The following FGF13 variants were observed in gnomAD, a reference collection of about 807,000 sequenced individuals.
FGF13 encodes fibroblast growth factor 13.
In FGF13, 2 loss-of-function variants were observed where a neutral mutation model predicts 19.5. The observed-to-expected ratio is 0.10, with a 90% confidence interval of 0.04 to 0.32. The LOEUF (loss-of-function observed/expected upper bound fraction) is 0.32. FGF13 is among the 10% of genes least tolerant of loss of function. FGF13 has a pLI of 1.00. For synonymous variants in FGF13, 72 were observed against 76.9 expected (o/e 0.94, Z 0.33); for missense variants, 113 against 192.7 (o/e 0.59, Z 2.45).
chrX:138,704,234 C>A (rs1292307402), intron 2 of FGF13, among the ~76,000 whole-genome samples: 1 of 111,612 alleles, frequency 9.0e-6, no homozygotes, highest in Non-Finnish European at 1.9e-5. Flanking sequence ...GATCTGACTG[C>A]GTGAAACTTA....
chrX:139,054,910 TTGTA>T (rs2092316409), intron 1 of FGF13, among the ~76,000 whole-genome samples: 1 of 107,147 alleles, frequency 9.3e-6, no homozygotes, highest in African/African-American at 3.6e-5. Flanking sequence ...TTGTATTGTA[TTGTA>T]TTGTATTGTA....
At chrX:138,983,414 T>TATATATATATATATATATATATATATATA (rs2091972165) in intron 1 of FGF13, among the ~76,000 whole-genome samples, 1 of 81,196 alleles carries the variant, frequency 1.2e-5, no homozygotes, top group East Asian at 4.3e-4. Context: ...TAAGTTGATC[T>TATATATATATATATATATATATATATATA]TATATATATA....
At chrX:138,868,480 A>G (rs972365125) in intron 1 of FGF13, among the ~76,000 whole-genome samples, 3 of 111,213 alleles carry the variant, frequency 2.7e-5, no homozygotes, top group African/African-American at 9.8e-5. Context: ...TCACAGAGTG[A>G]TGTCATAGTT....
intron 1 of FGF13, among the ~76,000 whole-genome samples, chrX:139,168,214 C>T (rs2084101346): frequency 9.0e-6 from 1 of 111,681 alleles, no homozygotes; most frequent in South Asian, 3.8e-4. Context: ...TACAACCATT[C>T]GATCAAGGTT....
In FGF13 at chrX:138,632,885, C is replaced by T. The variant is rs1370485134; in HGVS notation, c.703G>A (p.Gly235Arg). ...KSRSVSGVLN[G>R]GKSMSHNEST The stretch of plus-strand genomic sequence containing the variant: ...TCATTGTGGCTCATGGATTTGCCTC[C>T]GTTCAGCACGCCAGAGACACTTCTG... Residue 235 changes from glycine to arginine, a missense_variant, in exon 5 of 5, where the codon GGA becomes AGA. Coordinates refer to ENST00000315930, the MANE Select transcript of FGF13 (RefSeq NM_004114.5). 2 of 1,207,798 alleles carry T rather than the reference C, an allele frequency of 1.7e-6. No individual in the cohort carries two copies. Among genetic ancestry groups the T allele is most frequent in the Non-Finnish European group, 2.2e-6 (2 of 894,262 alleles).
chrX:138,809,593 C>T (rs2090903676), intron 3 of FGF13, among the ~76,000 whole-genome samples: 1 of 111,043 alleles, frequency 9.0e-6, no homozygotes, highest in Admixed American at 9.6e-5. Flanking sequence ...AAGTTCTGGC[C>T]AGGGCAATCA....
chrX:138,916,725 G>A (rs1177935243), intron 1 of FGF13, among the ~76,000 whole-genome samples: 1 of 112,214 alleles, frequency 8.9e-6, no homozygotes, highest in African/African-American at 3.2e-5. Flanking sequence ...TCATATTTCA[G>A]TGAGACCAAT....
At chrX:138,745,470 T>A (rs893399415) in intron 3 of FGF13, among the ~76,000 whole-genome samples, 13 of 112,084 alleles carry the variant, frequency 1.2e-4, no homozygotes, top group African/African-American at 4.2e-4. Flanking sequence ...TTCAGTTGCA[T>A]GCTAATCCTC....
intron 1 of FGF13, among the ~76,000 whole-genome samples, chrX:139,012,031 C>T (rs963534739): frequency 4.5e-5 from 5 of 111,432 alleles, no homozygotes; most frequent in Non-Finnish European, 9.4e-5. Context: ...ATCAGTAGCT[C>T]TGCTATACAG....
At chrX:138,664,468 T>A (rs1321390257) in intron 3 of FGF13, among the ~76,000 whole-genome samples, 1 of 110,402 alleles carries the variant, frequency 9.1e-6, no homozygotes, top group Non-Finnish European at 1.9e-5. Flanking sequence ...TTTTAGGAGA[T>A]AAAATTCAGA....
In FGF13 at chrX:138,630,238, C is replaced by T. The variant is rs1190704147; in HGVS notation, c.*2612G>A. ...CTCCATCCTATTAACGCAGGCATCC[C>T]TGAGACCCACATAGTGCTAATTTGC... On this transcript the variant is annotated 3_prime_UTR_variant, in exon 5 of 5. Transcript: ENST00000315930. 2 of 110,910 alleles carry T rather than the reference C, an allele frequency of 1.8e-5. No individual in the cohort carries two copies. Among genetic ancestry groups the T allele is most frequent in the African/African-American group, 6.6e-5 (2 of 30,455 alleles). 9.1% of individuals were successfully genotyped at this position (110,910 alleles called of 1,213,427 possible). A position where few individuals can be genotyped will look rare whatever the true frequency, so the allele number is the denominator to read the frequency against.
chrX:138,769,498 C>A (rs2090529256), intron 3 of FGF13, among the ~76,000 whole-genome samples: 1 of 111,719 alleles, frequency 9.0e-6, no homozygotes, highest in Non-Finnish European at 1.9e-5. Context: ...AGTAAACATT[C>A]AATATGTAAT....
intron 3 of FGF13, among the ~76,000 whole-genome samples, chrX:138,761,987 T>C (rs1027484294): frequency 4.6e-5 from 5 of 109,731 alleles, no homozygotes; most frequent in Admixed American, 2.0e-4. Context: ...TCTGTGATAA[T>C]AGAAAGGTTC....
chrX:139,131,297 C>T (rs1048142403), intron 1 of FGF13, among the ~76,000 whole-genome samples: 1 of 110,999 alleles, frequency 9.0e-6, no homozygotes, highest in Admixed American at 9.7e-5. Flanking sequence ...AGCCATTTAA[C>T]CTTTCTGAGC....
intron 1 of FGF13, among the ~76,000 whole-genome samples, chrX:139,063,042 G>GA (rs1376452239): frequency 9.0e-6 from 1 of 111,415 alleles, no homozygotes; most frequent in Non-Finnish European, 1.9e-5. Flanking sequence ...AGAGGGTCTG[G>GA]AAAAAATAAG....
chrX:138,903,539 C>A (rs2091542792), intron 1 of FGF13, among the ~76,000 whole-genome samples: 1 of 111,582 alleles, frequency 9.0e-6, no homozygotes, highest in Non-Finnish European at 1.9e-5. Context: ...CAAACCCCAA[C>A]AAGTAGATTA....
At chrX:139,060,215 TTATTTA>T (rs1371944808) in intron 1 of FGF13, among the ~76,000 whole-genome samples, 1 of 111,270 alleles carries the variant, frequency 9.0e-6, no homozygotes, top group Non-Finnish European at 1.9e-5. Flanking sequence ...ATTTCTTCTA[TTATTTA>T]TATTTATATT....
chrX:139,060,656 T>C (rs974900102), intron 1 of FGF13, among the ~76,000 whole-genome samples: 3 of 111,874 alleles, frequency 2.7e-5, no homozygotes, highest in Non-Finnish European at 5.6e-5. Flanking sequence ...TAATCATATA[T>C]GCAAGTTTTT....
At chrX:138,756,165 C>T (rs1013787340) in intron 3 of FGF13, among the ~76,000 whole-genome samples, 2 of 112,419 alleles carry the variant, frequency 1.8e-5, no homozygotes, top group Admixed American at 9.4e-5. Flanking sequence ...TAAGTCACCC[C>T]GTATTTTGTT....
Sources: gnomAD v4.1 joint callset for allele counts (sites outside exome capture counted in the v4.1 genomes callset) on GRCh38, gnomAD v4.1.1 for gene constraint, MANE v1.5 for transcripts, NCBI Gene and HGNC (gene_info 2026-07-23, HGNC 2026-07-21) for gene names.